The following RAB3D variants were observed in gnomAD, a reference collection of about 807,000 sequenced individuals.
The protein encoded by RAB3D is RAB3D, member RAS oncogene family.
A neutral mutation model predicts 19.3 loss-of-function variants in RAB3D; 17 were observed. The observed-to-expected ratio is 0.88, with a 90% confidence interval of 0.60 to 1.32. RAB3D has a LOEUF of 1.32. Among genes scored for constraint, RAB3D ranks in the 40% most tolerant of loss-of-function variants. RAB3D has a pLI of 0.00. For synonymous variants in RAB3D, 103 were observed against 119.9 expected (o/e 0.86, Z 0.92); for missense variants, 223 against 299.1 (o/e 0.75, Z 1.88).
intron 4 of RAB3D, among the ~76,000 whole-genome samples, chr19:11,331,870 C>G (rs925849155): frequency 2.0e-5 from 3 of 151,978 alleles, no homozygotes; most frequent in African/African-American, 7.2e-5. Context: ...GAAGTGTTTA[C>G]AGACAAAAGG....
Position 11,325,991 on chromosome 19 carries a change from C to T in RAB3D, c.473-406G>A, listed in dbSNP as rs150960370. On this transcript the variant is annotated intron_variant, in intron 4 of 4. Coordinates refer to ENST00000222120, the MANE Select transcript of RAB3D (RefSeq NM_004283.4). ...ATCCCAGCACTTTGGGAGGCCGAGG[C>T]GGGAGGATCATTTGAGGTCAGGAGT... 3.8e-3 allele frequency among the ~76,000 whole-genome samples: 574 copies of T among 152,090 alleles called. 9 individuals carry two copies. Among genetic ancestry groups the T allele is most frequent in the African/African-American group, 0.013 (551 of 41,484 alleles).
chr19:11,333,895 C>T (rs1208512436), intron 4 of RAB3D, among the ~76,000 whole-genome samples: 1 of 151,354 alleles, frequency 6.6e-6, no homozygotes, highest in Non-Finnish European at 1.5e-5. Flanking sequence ...GGGGTTTTGC[C>T]ATGTTGGCCA....
intron 2 of RAB3D, among the ~76,000 whole-genome samples, chr19:11,336,839 G>A (rs904545551): frequency 2.6e-5 from 4 of 151,672 alleles, no homozygotes; most frequent in Admixed American, 6.6e-5. Flanking sequence ...GTGTGGTGGC[G>A]TGCACCTGTA....
chr19:11,329,375 G>A (rs1467572494), intron 4 of RAB3D, among the ~76,000 whole-genome samples: 2 of 151,908 alleles, frequency 1.3e-5, no homozygotes, highest in East Asian at 2.0e-4. Flanking sequence ...TTGGGAGGCC[G>A]AGGCAGCGGA....
Position 11,325,094 on chromosome 19 carries a change from C to T in RAB3D, c.*304G>A, listed in dbSNP as rs951168128. 10 of 288,176 alleles carry T rather than the reference C, an allele frequency of 3.5e-5. No individual in the cohort carries two copies. The highest frequency in any genetic ancestry group is 1.9e-4 in the South Asian group (4 of 20,640). 17.9% of individuals were successfully genotyped at this position (288,176 alleles called of 1,614,324 possible). A position where few individuals can be genotyped will look rare whatever the true frequency, so the allele number is the denominator to read the frequency against. The stretch of plus-strand genomic sequence containing the variant: ...TGCCCCTCCATCAGAAAGAGTGGGA[C>T]GTGTCACCCATGGCCACCCTCAACA... On this transcript the variant is annotated 3_prime_UTR_variant, in exon 5 of 5. Coordinates refer to ENST00000222120, the MANE Select transcript of RAB3D (RefSeq NM_004283.4).
At chr19:11,325,687 A>T in intron 4 of RAB3D, 102 bp from the exon 5 acceptor site, 1 of 1,130,486 alleles carries the variant, frequency 8.8e-7, no homozygotes, top group Non-Finnish European at 1.3e-6. Context: ...TCTGCTCTTT[A>T]TCCTGCTGTG....
At chr19:11,336,221 C>T (rs1039659452) in intron 2 of RAB3D, among the ~76,000 whole-genome samples, 1 of 152,176 alleles carries the variant, frequency 6.6e-6, no homozygotes, top group Admixed American at 6.5e-5. Context: ...CAGACCAGGT[C>T]GGTCCAATGG....
rs181077508 is a variant in RAB3D at position 11,337,661 on chromosome 19, T to C, written c.-61-201A>G. 6.8e-3 allele frequency among the ~76,000 whole-genome samples: 1,002 copies of C among 147,464 alleles called. 6 individuals are homozygous for C. The highest frequency in any genetic ancestry group is 0.023 in the African/African-American group (925 of 40,800). On this transcript the variant is annotated intron_variant, in intron 1 of 4. Transcript: ENST00000222120. ...AGTTGGTTGTGAGCCTAAAATGAGT[T>C]TCTTTCTTTCTTTTTTTTTTTTTTT...
At position 11,335,738 on chromosome 19, in the gene RAB3D, A is replaced by G; in HGVS notation, c.274T>C (p.Tyr92His). 2 of 1,614,220 alleles carry G rather than the reference A, an allele frequency of 1.2e-6. No individual in the cohort carries two copies. Among genetic ancestry groups the G allele is most frequent in the Non-Finnish European group, 8.5e-7 (1 of 1,180,036 alleles). The change falls in exon 3 of 5, where the codon TAC becomes CAC. Residue 92 changes from tyrosine to histidine, a missense_variant. Tyr to His is a moderately conservative substitution (Grantham distance 83). Coordinates refer to ENST00000222120, the MANE Select transcript of RAB3D (RefSeq NM_004283.4). ...AGCAGGAAGCCCATGGCTCCCCGGTAGTAGGCCGTGGTGATGGTGCGGTAG... is the reference window on the plus strand; with the variant it reads ...AGCAGGAAGCCCATGGCTCCCCGGTGGTAGGCCGTGGTGATGGTGCGGTAG... ...ERYRTITTAYYRGAMGFLLMY... is the reference protein window; with the variant it reads ...ERYRTITTAYHRGAMGFLLMY...
chr19:11,328,162 C>T (rs1178335470), intron 4 of RAB3D, among the ~76,000 whole-genome samples: 2 of 151,452 alleles, frequency 1.3e-5, no homozygotes, highest in African/African-American at 2.4e-5. Context: ...GATGAAACCC[C>T]GTCTCTACTA....
intron 4 of RAB3D, among the ~76,000 whole-genome samples, chr19:11,332,015 A>G (rs768063409): frequency 6.6e-6 from 1 of 152,192 alleles, no homozygotes; most frequent in Non-Finnish European, 1.5e-5. Flanking sequence ...TCTATTATAC[A>G]TTCCTTTCTA....
At chr19:11,338,018 G>A (rs57031301) in intron 1 of RAB3D, among the ~76,000 whole-genome samples, 16,320 of 152,036 alleles carry the variant, frequency 0.11, 1,978 homozygotes, top group African/African-American at 0.3. Flanking sequence ...ACTCTCTGCC[G>A]GGCCCTGTTC....
Position 11,335,491 on chromosome 19 carries a change from C to A in RAB3D, c.428G>T (p.Arg143Leu). 2 of 1,614,168 alleles carry A rather than the reference C, an allele frequency of 1.2e-6. No homozygotes were observed. The highest frequency in any genetic ancestry group is 4.5e-5 in the East Asian group (2 of 44,882). ...CCGGCCATCCTCAGCAGGCACAACACGTTCGTCCTCCAGGTCACACTTGTT... is the reference window on the plus strand; with the variant it reads ...CCGGCCATCCTCAGCAGGCACAACAAGTTCGTCCTCCAGGTCACACTTGTT... ...VGNKCDLEDE[R>L]VVPAEDGRRL... The change falls in exon 4 of 5, where the codon CGT becomes CTT. Residue 143 changes from arginine to leucine, a missense_variant. Transcript: ENST00000222120.
chr19:11,325,200 G>A lies in RAB3D; in HGVS notation c.*198C>T, dbSNP rs1031782347. On this transcript the variant is annotated 3_prime_UTR_variant, in exon 5 of 5. Coordinates refer to ENST00000222120, the MANE Select transcript of RAB3D (RefSeq NM_004283.4). ...ATGCAGAGCTGAGTCCCCATGGTCC[G>A]CAGCCTCCCACCGGGGCTGCCTGAG... 7 of 539,592 alleles carry A rather than the reference G, an allele frequency of 1.3e-5. No homozygotes were observed. The highest frequency in any genetic ancestry group is 6.3e-5 in the Admixed American group (2 of 31,812). 33.4% of individuals were successfully genotyped at this position (539,592 alleles called of 1,614,324 possible).
chr19:11,328,454 AG>A (rs1262315419), intron 4 of RAB3D, among the ~76,000 whole-genome samples: 1 of 151,558 alleles, frequency 6.6e-6, no homozygotes, highest in Non-Finnish European at 1.5e-5. Flanking sequence ...GTTCGAGACC[AG>A]GGCCAATACG....
intron 4 of RAB3D, among the ~76,000 whole-genome samples, chr19:11,334,740 T>C (rs559399804): frequency 2.1e-4 from 32 of 152,268 alleles, no homozygotes; most frequent in South Asian, 4.1e-4. Flanking sequence ...CTGGCTAACA[T>C]GGTGAAACCC....
intron 4 of RAB3D, chr19:11,326,707 G>T: frequency 1.5e-6 from 1 of 672,596 alleles, no homozygotes; most frequent in South Asian, 1.6e-5. Context: ...GGGCTCAAGC[G>T]ATCCTCCCGC....
intron 2 of RAB3D, among the ~76,000 whole-genome samples, chr19:11,336,255 T>C (rs570225944): frequency 1.3e-5 from 2 of 152,284 alleles, no homozygotes; most frequent in African/African-American, 4.8e-5. Flanking sequence ...CCCTCTAAGA[T>C]GGTACCCAAA....
At position 11,334,860 on chromosome 19, in the gene RAB3D, C is replaced by T. The variant is rs529819870; in HGVS notation, c.472+587G>A. On this transcript the variant is annotated intron_variant, in intron 4 of 4. Transcript: ENST00000222120. ...ATTGCTTGAACCTGGGAGGTGGAGG[C>T]TGCAGTGAGCCAATACGGCACCACT... Among the ~76,000 whole-genome samples, 233 of 151,480 alleles carry T rather than the reference C, an allele frequency of 1.5e-3. 2 individuals are homozygous for T. Among genetic ancestry groups the T allele is most frequent in the African/African-American group, 5.2e-3 (216 of 41,292 alleles).
Sources: allele counts gnomAD v4.1 joint callset (sites outside exome capture counted in the v4.1 genomes callset), GRCh38; gene constraint gnomAD v4.1.1; transcripts MANE v1.5; gene names NCBI Gene and HGNC (gene_info 2026-07-23, HGNC 2026-07-21).